LTBP1: variants seen among roughly 807,000 people sequenced by gnomAD.
The protein encoded by LTBP1 is latent-transforming growth factor beta-binding protein 1.
A neutral mutation model predicts 207.6 loss-of-function variants in LTBP1; 129 were observed. That is an observed-to-expected ratio of 0.62 (90% CI 0.54 to 0.72). The LOEUF is 0.72. Among genes scored for constraint, LTBP1 ranks in the 30% least tolerant of loss-of-function variants. The probability of loss-of-function intolerance (pLI) is 0.00; values close to 1 mark genes in which losing one functional copy is unlikely to be tolerated. For missense variants in LTBP1, 2,281 were observed against 2,217.2 expected (o/e 1.03, Z -0.58); for synonymous variants, 963 against 833.7 (o/e 1.16, Z -2.67).
At chr2:33,188,532 G>A in intron 6 of LTBP1, 45 bp from the exon 7 acceptor site, 2 of 1,495,510 alleles carry the variant, frequency 1.3e-6, no homozygotes, top group South Asian at 1.2e-5. Flanking sequence ...TGATTTGCCT[G>A]TTAGTTATTC....
At chr2:33,150,454 G>C (rs1243791404) in intron 5 of LTBP1, among the ~76,000 whole-genome samples, 2 of 151,894 alleles carry the variant, frequency 1.3e-5, no homozygotes, top group Non-Finnish European at 2.9e-5. Context: ...TTAAATGTAT[G>C]TTTTAATGGC....
At chr2:33,051,947 G>A (rs141774955) in intron 3 of LTBP1, among the ~76,000 whole-genome samples, 1,666 of 152,154 alleles carry the variant, frequency 0.011, 20 homozygotes, top group Non-Finnish European at 0.016. Flanking sequence ...TTTGAATACC[G>A]ATCCATGGTT....
intron 4 of LTBP1, among the ~76,000 whole-genome samples, chr2:33,128,651 C>G (rs780816121): frequency 1.4e-4 from 21 of 152,300 alleles, no homozygotes; most frequent in African/African-American, 4.6e-4. Flanking sequence ...CTGTGATGCC[C>G]TTCACTCTCT....
intron 5 of LTBP1, among the ~76,000 whole-genome samples, chr2:33,138,699 A>G (rs1233457293): frequency 6.6e-6 from 1 of 152,192 alleles, no homozygotes; most frequent in Non-Finnish European, 1.5e-5. Context: ...TAATACTGTC[A>G]CTTGGTATAA....
chr2:33,182,731 CACACAGACAT>C lies in LTBP1; in HGVS notation c.1202-4123_1202-4114del, dbSNP rs1419085578. On this transcript the variant is annotated intron_variant, in intron 5 of 33. Coordinates refer to ENST00000404816, the MANE Select transcript of LTBP1 (RefSeq NM_206943.4). ...ACACACACACACACACACACACACA[CACACAGACAT>C]ATATATGTATGTATGTGTACACATA... 7.5e-3 allele frequency among the ~76,000 whole-genome samples: 753 copies of C among 100,018 alleles called. 101 individuals carry two copies. Among genetic ancestry groups the C allele is most frequent in the Middle Eastern group, 0.024 (4 of 168 alleles). 65.6% of individuals were successfully genotyped at this position (100,018 alleles called of 152,430 possible). A position where few individuals can be genotyped will look rare whatever the true frequency, so the allele number is the denominator to read the frequency against.
chr2:33,270,188 G>A (rs1228395413), intron 15 of LTBP1, among the ~76,000 whole-genome samples: 1 of 151,800 alleles, frequency 6.6e-6, no homozygotes, highest in African/African-American at 2.4e-5. Flanking sequence ...CCAAAGTGCT[G>A]GGATTACAGA....
At chr2:32,983,580 A>T (rs531231584) in intron 2 of LTBP1, among the ~76,000 whole-genome samples, 1 of 152,288 alleles carries the variant, frequency 6.6e-6, no homozygotes, top group East Asian at 1.9e-4. Flanking sequence ...ACTCCCAATA[A>T]TCCCCTTGTG....
At chr2:33,224,394 T>C (rs1317411549) in intron 9 of LTBP1, among the ~76,000 whole-genome samples, 1 of 152,214 alleles carries the variant, frequency 6.6e-6, no homozygotes, top group Non-Finnish European at 1.5e-5. Context: ...TAATGTCAAA[T>C]GGATAAAATA....
chr2:33,249,993 C>T (rs1456628596), intron 10 of LTBP1, among the ~76,000 whole-genome samples: 3 of 152,142 alleles, frequency 2.0e-5, no homozygotes, highest in Non-Finnish European at 4.4e-5. Flanking sequence ...AAACGTAGTA[C>T]ACTAATGTGT....
intron 5 of LTBP1, among the ~76,000 whole-genome samples, chr2:33,153,515 C>T (rs1483619637): frequency 2.6e-5 from 4 of 152,026 alleles, no homozygotes; most frequent in Non-Finnish European, 5.9e-5. Context: ...CCTTAGAATG[C>T]GCTGGGGTCC....
chr2:33,237,624 C>G (rs2092110938), intron 9 of LTBP1, among the ~76,000 whole-genome samples: 1 of 152,218 alleles, frequency 6.6e-6, no homozygotes, highest in African/African-American at 2.4e-5. Context: ...TAAACAGTCT[C>G]TGCCATTTAA....
At chr2:33,038,010 G>A (rs2076007856) in intron 3 of LTBP1, among the ~76,000 whole-genome samples, 1 of 152,216 alleles carries the variant, frequency 6.6e-6, no homozygotes, top group South Asian at 2.1e-4. Context: ...ATGAGCCACC[G>A]CACCTAGCCA....
At chr2:33,127,511 T>C (rs1280454357) in intron 4 of LTBP1, among the ~76,000 whole-genome samples, 1 of 152,192 alleles carries the variant, frequency 6.6e-6, no homozygotes, top group Non-Finnish European at 1.5e-5. Context: ...ACCAGGCCTC[T>C]TCATTTCCAA....
At chr2:32,968,871 G>C (rs1680387667) in intron 2 of LTBP1, among the ~76,000 whole-genome samples, 1 of 147,208 alleles carries the variant, frequency 6.8e-6, no homozygotes, top group African/African-American at 2.5e-5. Context: ...CTGTAGGTGT[G>C]TGCCACCACA....
intron 2 of LTBP1, among the ~76,000 whole-genome samples, chr2:32,950,065 C>A (rs1037634553): frequency 6.6e-6 from 1 of 152,104 alleles, no homozygotes; most frequent in Non-Finnish European, 1.5e-5. Flanking sequence ...CATTTTGTAA[C>A]TTCTTAAATT....
At chr2:33,284,890 A>G (rs1181317153) in intron 19 of LTBP1, among the ~76,000 whole-genome samples, 1 of 152,168 alleles carries the variant, frequency 6.6e-6, no homozygotes, top group East Asian at 1.9e-4. Flanking sequence ...TGAAGCACCT[A>G]GTAGGCATCT....
chr2:32,965,025 C>G (rs1008564714), intron 2 of LTBP1, among the ~76,000 whole-genome samples: 2 of 152,106 alleles, frequency 1.3e-5, no homozygotes, highest in South Asian at 2.1e-4. Flanking sequence ...GGCGACAGAG[C>G]AAGACTATCT....
chr2:33,213,388 C>T (rs2090452773), intron 7 of LTBP1, among the ~76,000 whole-genome samples: 1 of 152,184 alleles, frequency 6.6e-6, no homozygotes, highest in Non-Finnish European at 1.5e-5. Flanking sequence ...ACTTGTAAAA[C>T]ATCACCTCAA....
At chr2:33,236,792 C>T (rs753562925) in intron 9 of LTBP1, among the ~76,000 whole-genome samples, 1 of 152,138 alleles carries the variant, frequency 6.6e-6, no homozygotes, top group Non-Finnish European at 1.5e-5. Flanking sequence ...GTCATGAATC[C>T]AAGACCAACA....
Sources: gnomAD v4.1 joint callset for allele counts (sites outside exome capture counted in the v4.1 genomes callset) on GRCh38, gnomAD v4.1.1 for gene constraint, MANE v1.5 for transcripts, NCBI Gene and HGNC (gene_info 2026-07-23, HGNC 2026-07-21) for gene names.